Variants in PIGG observed in about 807,000 individuals in gnomAD.
PIGG encodes phosphatidylinositol glycan anchor biosynthesis class G (EMM blood group).
In PIGG, 70 loss-of-function variants were observed where a neutral mutation model predicts 83.2. The observed-to-expected ratio is 0.84, with a 90% CI of 0.69 to 1.03. The LOEUF (loss-of-function observed/expected upper bound fraction) is 1.03, where lower values mean the gene tolerates loss of function less well. Ranked by LOEUF, PIGG falls within the 50% of genes least tolerant of loss-of-function variation. The pLI is 0.00. For missense variants in PIGG, 1,257 were observed against 1,233.6 expected (o/e 1.02, Z -0.28); for synonymous variants, 532 against 519.5 (o/e 1.02, Z -0.33).
chr4:507,456 T>G lies in PIGG; in HGVS notation c.622T>G (p.Trp208Gly). 1 of 1,613,994 alleles carries G rather than the reference T, an allele frequency of 6.2e-7. No individual in the cohort carries two copies. Among genetic ancestry groups the G allele is most frequent in the Non-Finnish European group, 8.5e-7 (1 of 1,179,882 alleles). ...GGATAAAGTATTAAAAAGAGGAGAT[T>G]GGGACATATTAATCCTCCACTACCT... ...HLDKVLKRGD[W>G]DILILHYLGL... The change falls in exon 4 of 13, where the codon TGG becomes GGG. Residue 208 changes from tryptophan to glycine, a missense_variant. Trp to Gly is a radical substitution (Grantham distance 184). Transcript: ENST00000453061.
chr4:501,246 G>GA, intron 2 of PIGG: 1 of 421,940 alleles, frequency 2.4e-6, no homozygotes, highest in Non-Finnish European at 4.7e-6. Flanking sequence ...TGCAATTGGG[G>GA]AAAAAATAGT....
At chr4:503,867 C>CACAT (rs1194225395) in intron 2 of PIGG, among the ~76,000 whole-genome samples, 3 of 151,768 alleles carry the variant, frequency 2.0e-5, no homozygotes, top group African/African-American at 7.3e-5. Flanking sequence ...CACACACACA[C>CACAT]ACACACACAC....
intron 6 of PIGG, among the ~76,000 whole-genome samples, chr4:520,798 G>A (rs1725596186): frequency 6.6e-6 from 1 of 152,258 alleles, no homozygotes; most frequent in Non-Finnish European, 1.5e-5. Flanking sequence ...GTCAGTCACT[G>A]CCATCCGCGG....
intron 4 of PIGG, 50 bp from the exon 5 acceptor site, chr4:508,779 T>G: frequency 6.4e-7 from 1 of 1,562,944 alleles, no homozygotes; most frequent in South Asian, 1.1e-5. Flanking sequence ...TAAGATGATG[T>G]GCTCTCTTCA....
chr4:511,205 A>G (rs546775164), intron 5 of PIGG, among the ~76,000 whole-genome samples: 1 of 151,812 alleles, frequency 6.6e-6, no homozygotes, highest in Admixed American at 6.6e-5. Context: ...AGGCAGGAGA[A>G]TCACTTGAGC....
chr4:515,992 G>A lies in PIGG; in HGVS notation c.921G>A (p.Lys307=), dbSNP rs763398827. 2.9e-5 allele frequency: 47 copies of A among 1,613,972 alleles called. No homozygotes were observed. The highest frequency in any genetic ancestry group is 6.7e-5 in the Admixed American group (4 of 60,004). Residue 307 remains lysine, a synonymous_variant, in exon 6 of 13, where the codon AAG becomes AAA. Coordinates refer to ENST00000453061, the MANE Select transcript of PIGG (RefSeq NM_001127178.3). This position sits in a 1 kb window ranked among gnomAD's most constrained non-coding sequence, Gnocchi z 4.2. ...ERKPGDIRHP[K]HVQQTDVAAT... Reference sequence around the variant, plus strand: ...TTCTAGGTGATATCCGACATCCAAAGCACGTCCAACAGACGGATGTGGCTG... The same window carrying A: ...TTCTAGGTGATATCCGACATCCAAAACACGTCCAACAGACGGATGTGGCTG...
intron 10 of PIGG, chr4:528,000 CA>C (rs1728129185): frequency 1.0e-6 from 1 of 985,168 alleles, no homozygotes; most frequent in African/African-American, 1.7e-5. Context: ...AGTGTCCTTG[CA>C]AAAAGGAACA....
chr4:519,922 G>T (rs1725238340), intron 6 of PIGG, among the ~76,000 whole-genome samples: 1 of 141,026 alleles, frequency 7.1e-6, no homozygotes, highest in African/African-American at 2.7e-5. Flanking sequence ...AGTGGGGTGG[G>T]CCTGCAGGCG....
At chr4:525,197 C>G in intron 9 of PIGG, 1 of 985,198 alleles carries the variant, frequency 1.0e-6, no homozygotes, top group African/African-American at 1.7e-5. Flanking sequence ...GGGAATTCAG[C>G]CACCTCCTGA....
At chr4:534,838 G>C (rs1730045988) in intron 12 of PIGG, among the ~76,000 whole-genome samples, 1 of 150,528 alleles carries the variant, frequency 6.6e-6, no homozygotes, top group Non-Finnish European at 1.5e-5. Flanking sequence ...CCCGTTTCCT[G>C]GCGGTTTTGT....
chr4:533,729 T>C, intron 11 of PIGG, 89 bp from the exon 12 acceptor site: 3 of 1,276,432 alleles, frequency 2.4e-6, no homozygotes, highest in Non-Finnish European at 3.4e-6. Context: ...GCCTACACAG[T>C]TCACGCTAAC....
At chr4:527,685 C>T (rs1449446604) in intron 10 of PIGG, 102 of 988,240 alleles carry the variant, frequency 1.0e-4, no homozygotes, top group South Asian at 1.9e-4. Flanking sequence ...AAAATCAGAC[C>T]GTCCTTGTAA....
At chr4:503,579 T>A (rs1718528851) in intron 2 of PIGG, among the ~76,000 whole-genome samples, 1 of 152,196 alleles carries the variant, frequency 6.6e-6, no homozygotes, top group Non-Finnish European at 1.5e-5. Context: ...CCACAACTTT[T>A]CAACCTTCAG....
At chr4:506,060 G>A (rs1434081334) in intron 3 of PIGG, 133 bp downstream of exon 3, 2 of 650,052 alleles carry the variant, frequency 3.1e-6, no homozygotes, top group African/African-American at 1.8e-5. Flanking sequence ...ACTATGGACA[G>A]GTGTAAAAAT....
At position 539,248 on chromosome 4, in the gene PIGG, A is replaced by G. The variant is rs1362966462; in HGVS notation, c.2831A>G (p.His944Arg). ...GTTTTGGTGACATCTCTGCGTTATC[A>G]TTTATTTATATGGAGTGTATTTTCT... Reference protein sequence around the residue: ...YIVLVTSLRYHLFIWSVFSPK... With the variant: ...YIVLVTSLRYRLFIWSVFSPK... The change falls in exon 13 of 13, where the codon CAT becomes CGT. Residue 944 changes from histidine (H) to arginine (R), a missense_variant. By Grantham distance (29) the His-to-Arg change is conservative (BLOSUM62 0). Coordinates refer to ENST00000453061, the MANE Select transcript of PIGG (RefSeq NM_001127178.3). 3 of 1,611,802 alleles carry G rather than the reference A, an allele frequency of 1.9e-6. No individual in the cohort carries two copies. Among genetic ancestry groups the G allele is most frequent in the African/African-American group, 1.3e-5 (1 of 74,944 alleles).
At chr4:504,328 C>A (rs1718841836) in intron 2 of PIGG, among the ~76,000 whole-genome samples, 1 of 152,166 alleles carries the variant, frequency 6.6e-6, no homozygotes, top group Admixed American at 6.5e-5. Flanking sequence ...TTTTCATAAC[C>A]TCCCTGGGTG....
rs936024712 is a variant in PIGG at position 505,492 on chromosome 4, G to T, written c.361-226G>T. Among the ~76,000 whole-genome samples the T allele has an allele frequency of 3.4e-5, 5 of 148,584 alleles. No individual in the cohort carries two copies. The South Asian group carries it at 6.4e-4, about 19-fold the overall frequency. ...AAAAAAAAAAAAAAAAAAAAGCTGG[G>T]TGTGGTGCCACACACCTGTAGTTCC... On this transcript the variant is annotated intron_variant, in intron 2 of 12. Transcript: ENST00000453061.
chr4:499,259 C>T lies in PIGG; in HGVS notation c.-77C>T, dbSNP rs1716588912. ...GGCGTTATTGCTTAGAGGCGGCTAC[C>T]TGGAGCCGGAAGCGCGGCTGCAGCA... On this transcript the variant is annotated 5_prime_UTR_variant, in exon 1 of 13. Transcript: ENST00000453061. 11 of 1,517,014 alleles carry T rather than the reference C, an allele frequency of 7.3e-6. No individual in the cohort carries two copies. The highest frequency in any genetic ancestry group is 1.2e-5 in the South Asian group (1 of 86,340). 94.0% of individuals were successfully genotyped at this position (1,517,014 alleles called of 1,614,324 possible).
Position 521,715 on chromosome 4 carries a change from T to C in PIGG, c.1388T>C (p.Leu463Pro). The C allele has an allele frequency of 6.2e-7, 1 of 1,614,174 alleles. No individual in the cohort carries two copies. The highest frequency in any genetic ancestry group is 8.5e-7 in the Non-Finnish European group (1 of 1,179,986). ...VPQALRRKAE[L>P]EVPLSSPGFS... ...CAGGCACTGCGCAGAAAGGCTGAGC[T>C]GGAAGTCCCACTGTCATCTCCTGGG... Residue 463 changes from leucine (L) to proline (P), a missense_variant, in exon 8 of 13, where the codon CTG (leucine) becomes CCG (proline). Leu to Pro is a moderately conservative substitution (Grantham distance 98, BLOSUM62 -3). Transcript: ENST00000453061.
Sources: gnomAD v4.1 joint callset for allele counts (sites outside exome capture counted in the v4.1 genomes callset) on GRCh38, gnomAD v4.1.1 for gene constraint, Gnocchi (gnomAD v3.1) non-coding constraint, MANE v1.5 for transcripts, NCBI Gene and HGNC (gene_info 2026-07-23, HGNC 2026-07-21) for gene names.